PIGN: variants seen among roughly 807,000 people sequenced by gnomAD.
The protein encoded by PIGN is GPI ethanolamine phosphate transferase 1.
In PIGN, 117 loss-of-function variants were observed where a neutral mutation model predicts 125.4. The observed-to-expected ratio is 0.93, with a 90% confidence interval of 0.80 to 1.09. PIGN has a LOEUF of 1.09. Ranked by LOEUF, PIGN falls within the 50% of genes least tolerant of loss-of-function variation. The probability of loss-of-function intolerance (pLI) is 0.00; values close to 1 mark genes in which losing one functional copy is unlikely to be tolerated. For missense variants in PIGN, 1,075 were observed against 1,094.9 expected (o/e 0.98, Z 0.26); for synonymous variants, 392 against 377.8 (o/e 1.04, Z -0.44).
At chr18:62,021,471 T>A (rs751612271) in intron 23 of PIGN, among the ~76,000 whole-genome samples, 1 of 152,226 alleles carries the variant, frequency 6.6e-6, no homozygotes, top group Non-Finnish European at 1.5e-5. Flanking sequence ...AATTGCATCA[T>A]TTCTCTGAGC....
At chr18:62,156,465 G>A (rs2036737982) in intron 6 of PIGN, among the ~76,000 whole-genome samples, 2 of 152,102 alleles carry the variant, frequency 1.3e-5, no homozygotes, top group South Asian at 4.2e-4. Flanking sequence ...TGAGTAGTTG[G>A]GACTACAGGC....
chr18:62,152,788 T>C (rs1343413107), intron 7 of PIGN, among the ~76,000 whole-genome samples: 2 of 152,084 alleles, frequency 1.3e-5, no homozygotes, highest in African/African-American at 2.4e-5. Context: ...AGTTAAACCA[T>C]TGTTAAGCTG....
In PIGN at chr18:62,055,299, A is replaced by G. The variant is rs9963098; in HGVS notation, c.2673-9320T>C. Among the ~76,000 whole-genome samples, 525 of 152,330 alleles carry G rather than the reference A, an allele frequency of 3.4e-3. 2 individuals carry two copies. Among genetic ancestry groups the G allele is most frequent in the African/African-American group, 0.012 (515 of 41,580 alleles). ...AAACAAACTGTGGCACATCCATACCATGGATTTACTCAGCAATAAGAAGTA... is the reference window on the plus strand; with the variant it reads ...AAACAAACTGTGGCACATCCATACCGTGGATTTACTCAGCAATAAGAAGTA... On this transcript the variant is annotated intron_variant, in intron 30 of 30. Coordinates refer to ENST00000640252, the MANE Select transcript of PIGN (RefSeq NM_176787.5).
chr18:62,153,356 G>A (rs991200709), intron 7 of PIGN: 3 of 152,094 alleles, frequency 2.0e-5, no homozygotes, highest in African/African-American at 7.2e-5. Flanking sequence ...GAAGTCATGT[G>A]CAAATCTTTT....
chr18:62,120,771 C>T (rs2035273648), intron 14 of PIGN, among the ~76,000 whole-genome samples: 1 of 151,382 alleles, frequency 6.6e-6, no homozygotes, highest in Non-Finnish European at 1.5e-5. Context: ...CTTAATTAAT[C>T]CTACAAAAAA....
rs2030495853 is a variant in PIGN, at chr18:62,044,160, C to CAAAATTAAG, written c.*1687_*1695dup. ...ACAGACTCACACTGACCTGAAAGGA[C>CAAAATTAAG]AAAATTAAGAAAAAGATATGCCTCA... is the stretch of plus-strand genomic sequence containing the variant. On this transcript the variant is annotated 3_prime_UTR_variant, in exon 31 of 31. Coordinates refer to ENST00000640252, the MANE Select transcript of PIGN (RefSeq NM_176787.5). 6.6e-6 allele frequency: 1 copy of CAAAATTAAG among 151,154 alleles called. No homozygotes were observed. 9.4% of individuals were successfully genotyped at this position (151,154 alleles called of 1,614,324 possible). A position where few individuals can be genotyped will look rare whatever the true frequency, so the allele number is the denominator to read the frequency against.
Position 62,145,922 on chromosome 18 carries a change from A to G in PIGN, c.909T>C (p.Asp303=). The G allele has an allele frequency of 1.9e-6, 3 of 1,553,998 alleles. No individual in the cohort carries two copies. Among genetic ancestry groups the G allele is most frequent in the Non-Finnish European group, 2.7e-6 (3 of 1,125,988 alleles). Residue 303 remains aspartate (D), a synonymous_variant, in exon 10 of 31, where the codon GAT becomes GAC. Coordinates refer to ENST00000640252, the MANE Select transcript of PIGN (RefSeq NM_176787.5). ...PQRVSAQQFD[D]AFLKEWRLEN... is the part of the protein sequence containing the mutation. ...AAATGCTTGTACCTTTCAAAAATGC[A>G]TCATCAAATTGCTGAGCTGATACTC...
chr18:62,029,919 T>C (rs72938009), intron 23 of PIGN, among the ~76,000 whole-genome samples: 32,135 of 151,918 alleles, frequency 0.21, 3,732 homozygotes, highest in East Asian at 0.31. Context: ...AACTAAGAGG[T>C]CCCTTGAGTG....
intron 30 of PIGN, chr18:62,058,896 C>T (rs1323801347): frequency 1.3e-5 from 2 of 152,066 alleles, no homozygotes; most frequent in African/African-American, 4.8e-5. Context: ...AGATTAAAAT[C>T]CTCAATCCAG....
chr18:62,102,940 A>G (rs374569139), intron 20 of PIGN, 38 bp from the exon 21 acceptor site: 8 of 1,182,550 alleles, frequency 6.8e-6, no homozygotes, highest in Non-Finnish European at 8.3e-6. Context: ...TTTTCTTCAG[A>G]TATTTACGAA....
chr18:62,019,663 G>T (rs1406999026), intron 23 of PIGN, among the ~76,000 whole-genome samples: 1 of 151,642 alleles, frequency 6.6e-6, no homozygotes, highest in East Asian at 1.9e-4. Context: ...ATCATTATTT[G>T]TTCCTCAGGG....
intron 4 of PIGN, 82 bp downstream of exon 4, chr18:62,161,051 G>A (rs1240060324): frequency 1.1e-6 from 1 of 874,036 alleles, no homozygotes; most frequent in East Asian, 2.5e-5. Flanking sequence ...CCCAGTGCAT[G>A]ATAAATAGTA....
intron 1 of PIGN, among the ~76,000 whole-genome samples, chr18:62,168,401 CT>C (rs2037231371): frequency 6.6e-6 from 1 of 152,104 alleles, no homozygotes; most frequent in Non-Finnish European, 1.5e-5. Flanking sequence ...AACATTTCCC[CT>C]ATTTGTTCTT....
At chr18:62,145,532 TG>T (rs1440105166) in intron 10 of PIGN, among the ~76,000 whole-genome samples, 1 of 152,240 alleles carries the variant, frequency 6.6e-6, no homozygotes, top group Non-Finnish European at 1.5e-5. Flanking sequence ...GCATGTACTT[TG>T]TTTGGGTTGA....
intron 1 of PIGN, among the ~76,000 whole-genome samples, chr18:62,168,661 C>T (rs1306260659): frequency 6.6e-6 from 1 of 152,082 alleles, no homozygotes; most frequent in Non-Finnish European, 1.5e-5. Flanking sequence ...ATCTACCATC[C>T]ATATTCCAAT....
chr18:62,115,557 G>A (rs2035056641), intron 14 of PIGN, among the ~76,000 whole-genome samples: 1 of 149,580 alleles, frequency 6.7e-6, no homozygotes, highest in South Asian at 2.1e-4. Context: ...CACATGGGTC[G>A]ACATAATATA....
rs1252966203 is a variant in PIGN, at chr18:62,045,509, T to G, written c.*347A>C. Reference sequence around the variant, plus strand: ...CATCAGCACTGCCCCCACAGGCATATGCTCTCCTCTGGGTATGTGGGAAGT... The same window carrying G: ...CATCAGCACTGCCCCCACAGGCATAGGCTCTCCTCTGGGTATGTGGGAAGT... On this transcript the variant is annotated 3_prime_UTR_variant, in exon 31 of 31. Transcript: ENST00000640252. 5.4e-6 allele frequency: 1 copy of G among 186,360 alleles called. No individual in the cohort carries two copies. 11.5% of individuals were successfully genotyped at this position (186,360 alleles called of 1,614,324 possible).
intron 30 of PIGN, among the ~76,000 whole-genome samples, chr18:62,048,602 G>T (rs561583602): frequency 1.4e-4 from 18 of 127,812 alleles, no homozygotes; most frequent in South Asian, 2.6e-4. Flanking sequence ...GGAAATAAGG[G>T]GAAATCAGAA....
At chr18:62,126,997 T>A (rs2146913095) in intron 14 of PIGN, among the ~76,000 whole-genome samples, 1 of 152,166 alleles carries the variant, frequency 6.6e-6, no homozygotes, top group East Asian at 1.9e-4. Context: ...ATTCCTATCT[T>A]GTCAATCTTA....
Sources: gnomAD v4.1 joint callset for allele counts (sites outside exome capture counted in the v4.1 genomes callset) on GRCh38, gnomAD v4.1.1 for gene constraint, MANE v1.5 for transcripts, NCBI Gene and HGNC (gene_info 2026-07-23, HGNC 2026-07-21) for gene names.